The following PRDM9 variants were observed in gnomAD, a reference collection of about 807,000 sequenced individuals.
PRDM9 encodes PR/SET domain 9, also known as histone-lysine N-methyltransferase PRDM9.
Under a neutral mutation model 55.6 loss-of-function variants are expected in PRDM9, and 47 were observed. The observed-to-expected ratio is 0.85, with a 90% CI of 0.67 to 1.08. The LOEUF (loss-of-function observed/expected upper bound fraction) is 1.08. PRDM9 is among the 50% of genes least tolerant of loss of function. The pLI is 0.00. For synonymous variants in PRDM9, 312 were observed against 375.7 expected (o/e 0.83, Z 1.96); for missense variants, 867 against 1,040.3 (o/e 0.83, Z 2.29).
At position 23,527,400 on chromosome 5, in the gene PRDM9, C is replaced by A. The variant is rs766263099; in HGVS notation, c.2312C>A (p.Thr771Lys). ...SHLLRHQRTH[T>K]GEKPYVCREC... Reference sequence around the variant, plus strand: ...CTCCTCAGACACCAGAGGACACACACAGGGGAGAAGCCCTATGTCTGCAGG... The same window carrying A: ...CTCCTCAGACACCAGAGGACACACAAAGGGGAGAAGCCCTATGTCTGCAGG... The change falls in exon 11 of 11, where the codon ACA (threonine) becomes AAA (lysine). Residue 771 changes from threonine (T) to lysine (K), a missense_variant. Around this residue, in one of 5 missense-constraint regions of PRDM9, gnomAD observed 92 missense variants for 185.7 expected, o/e 0.50. Coordinates refer to ENST00000296682, the MANE Select transcript of PRDM9 (RefSeq NM_020227.4). 22 of 1,589,190 alleles carry A rather than the reference C, an allele frequency of 1.4e-5. No homozygotes were observed. Among genetic ancestry groups the A allele is most frequent in the Non-Finnish European group, 2.6e-6 (3 of 1,171,948 alleles).
In PRDM9 at chr5:23,522,381, G is replaced by T. The variant is rs754142725; in HGVS notation, c.586G>T (p.Glu196Ter). ...GGGTCATGCATACAAAGAGGTCAGC[G>T]AGCCGCAGGATGATGATTACCTCTG... ...RKGHAYKEVS[E>*]PQDDDYLYCE... Residue 196 changes from glutamate to a stop codon, truncating the protein, a stop_gained, in exon 7 of 11, where the codon GAG becomes TAG. Transcript: ENST00000296682. LOFTEE classifies it high-confidence loss of function. 6.2e-7 allele frequency: 1 copy of T among 1,614,010 alleles called. No individual in the cohort carries two copies. The highest frequency in any genetic ancestry group is 8.5e-7 in the Non-Finnish European group (1 of 1,179,932).
chr5:23,510,049 ATTTTTT>A (rs34033521), intron 4 of PRDM9, 22 bp downstream of exon 4: 147 of 1,252,076 alleles, frequency 1.2e-4, no homozygotes, highest in African/African-American at 2.0e-4. Flanking sequence ...GGGAAGTAGG[ATTTTTT>A]TTTTTTTTTT....
chr5:23,519,833 CAGG>C (rs949490761), intron 5 of PRDM9, among the ~76,000 whole-genome samples: 1 of 151,414 alleles, frequency 6.6e-6, no homozygotes, highest in African/African-American at 2.4e-5. Flanking sequence ...CACCCGAAGT[CAGG>C]AGTTCGAGAC....
intron 4 of PRDM9, among the ~76,000 whole-genome samples, chr5:23,514,004 C>T (rs1739151954): frequency 6.6e-6 from 1 of 152,216 alleles, no homozygotes; most frequent in African/African-American, 2.4e-5. Flanking sequence ...CTAAATTTCT[C>T]CGCATCTTCG....
chr5:23,516,616 C>T (rs1303775704), intron 4 of PRDM9, among the ~76,000 whole-genome samples: 20 of 151,836 alleles, frequency 1.3e-4, no homozygotes, highest in Admixed American at 2.6e-4. Flanking sequence ...TCGTGATCTG[C>T]GCACCTCAAC....
Position 23,527,890 on chromosome 5 carries a change from C to T in PRDM9, c.*117C>T. 7.9e-7 allele frequency: 1 copy of T among 1,266,874 alleles called. No homozygotes were observed. Among genetic ancestry groups the T allele is most frequent in the South Asian group, 1.3e-5 (1 of 79,566 alleles). 78.5% of individuals were successfully genotyped at this position (1,266,874 alleles called of 1,614,324 possible). On this transcript the variant is annotated 3_prime_UTR_variant, in exon 11 of 11. Coordinates refer to ENST00000296682, the MANE Select transcript of PRDM9 (RefSeq NM_020227.4). Reference sequence around the variant, plus strand: ...CGGAAGTCTGCTGACCCCTTATATTCCCCGAGAGTATAAAGAGATCGGAAA... The same window carrying T: ...CGGAAGTCTGCTGACCCCTTATATTTCCCGAGAGTATAAAGAGATCGGAAA...
intron 5 of PRDM9, among the ~76,000 whole-genome samples, chr5:23,519,088 C>A (rs1739276130): frequency 6.6e-6 from 1 of 152,192 alleles, no homozygotes; most frequent in Non-Finnish European, 1.5e-5. Context: ...GAGACAGAGT[C>A]TGGCTCTTTC....
At chr5:23,510,833 A>C (rs1408949355) in intron 4 of PRDM9, among the ~76,000 whole-genome samples, 1 of 151,808 alleles carries the variant, frequency 6.6e-6, no homozygotes. Context: ...CACCGTGCAT[A>C]GCCCCCAGGA....
At chr5:23,512,760 C>T (rs1374038452) in intron 4 of PRDM9, among the ~76,000 whole-genome samples, 3 of 152,120 alleles carry the variant, frequency 2.0e-5, no homozygotes, top group South Asian at 2.1e-4. Context: ...ACCCTATACC[C>T]ATTGAACAAT....
In PRDM9 at chr5:23,509,069, A is replaced by G; in HGVS notation, c.36A>G (p.Glu12=). ...AAAAGTCCCAAGAGGAGAGCCCAGA[A>G]GAAGACACAGAGAGAACAGAGCGGA... ...SPEKSQEESP[E]EDTERTERKP... The change falls in exon 2 of 11, where the codon GAA becomes GAG. Residue 12 remains glutamate (E), a synonymous_variant. Transcript: ENST00000296682. The G allele has an allele frequency of 6.2e-7, 1 of 1,614,144 alleles. No individual in the cohort carries two copies. The highest frequency in any genetic ancestry group is 8.5e-7 in the Non-Finnish European group (1 of 1,180,002).
At chr5:23,523,498 C>A in intron 9 of PRDM9, 140 bp downstream of exon 9, 1 of 805,092 alleles carries the variant, frequency 1.2e-6, no homozygotes, top group Non-Finnish European at 2.0e-6. Flanking sequence ...TGTTTTATAC[C>A]ATCAACATTT....
rs1479976943 is a variant in PRDM9, at chr5:23,527,857, G to C, written c.*84G>C. The C allele has an allele frequency of 3.8e-5, 59 of 1,552,710 alleles. 2 individuals are homozygous for C. The highest frequency in any genetic ancestry group is 1.8e-4 in the East Asian group (8 of 43,920). The stretch of plus-strand genomic sequence containing the variant: ...CACTTGCACACCCCAGCTGTGAGGT[G>C]GCTTCAGCGGAAGTCTGCTGACCCC... On this transcript the variant is annotated 3_prime_UTR_variant, in exon 11 of 11. Coordinates refer to ENST00000296682, the MANE Select transcript of PRDM9 (RefSeq NM_020227.4).
intron 5 of PRDM9, among the ~76,000 whole-genome samples, chr5:23,519,624 G>A (rs1326109906): frequency 6.6e-6 from 1 of 152,102 alleles, no homozygotes; most frequent in South Asian, 2.1e-4. Flanking sequence ...GCCTCCCAAA[G>A]TGCTGGGATT....
intron 7 of PRDM9, 100 bp downstream of exon 7, chr5:23,522,505 A>G: frequency 6.3e-7 from 1 of 1,584,918 alleles, no homozygotes; most frequent in Non-Finnish European, 8.7e-7. Context: ...CTAATGAATT[A>G]GAGTACAGGA....
intron 3 of PRDM9, 25 bp downstream of exon 3, chr5:23,509,618 C>T: frequency 1.9e-6 from 3 of 1,614,062 alleles, no homozygotes; most frequent in Non-Finnish European, 2.5e-6. Flanking sequence ...TGGGCACAGA[C>T]CAGCCTGGGA....
chr5:23,512,864 G>A (rs1295411240), intron 4 of PRDM9, among the ~76,000 whole-genome samples: 1 of 152,086 alleles, frequency 6.6e-6, no homozygotes, highest in Non-Finnish European at 1.5e-5. Flanking sequence ...CATGGAATCA[G>A]CCATGAAATA....
intron 4 of PRDM9, among the ~76,000 whole-genome samples, chr5:23,511,040 C>A (rs993303152): frequency 4.7e-4 from 70 of 150,528 alleles, no homozygotes; most frequent in Non-Finnish European, 8.1e-4. Context: ...CCTATAACCC[C>A]AGCTACTCAG....
At position 23,526,886 on chromosome 5, in the gene PRDM9, A is replaced by G; in HGVS notation, c.1798A>G (p.Arg600Gly). The G allele has an allele frequency of 1.2e-6, 2 of 1,602,122 alleles. No homozygotes were observed. Among genetic ancestry groups the G allele is most frequent in the Non-Finnish European group, 1.7e-6 (2 of 1,176,444 alleles). The change falls in exon 11 of 11, where the codon AGG becomes GGG. Residue 600 changes from arginine (R) to glycine (G), a missense_variant. By Grantham distance (125) the Arg-to-Gly change is moderately radical (BLOSUM62 -2). Around this residue, in one of 5 missense-constraint regions of PRDM9, gnomAD observed 27 missense variants for 50.0 expected, o/e 0.54. Transcript: ENST00000296682. Reference protein sequence around the residue: ...SWQSVLLTHQRTHTGEKPYVC... With the variant: ...SWQSVLLTHQGTHTGEKPYVC... ...GCAGTCAGTCCTCCTCACTCACCAGAGGACACACACAGGGGAGAAGCCCTA... is the reference window on the plus strand; with the variant it reads ...GCAGTCAGTCCTCCTCACTCACCAGGGGACACACACAGGGGAGAAGCCCTA...
rs193179249 is a variant in PRDM9 at position 23,521,253 on chromosome 5, T to C, written c.508+74T>C. 3.3e-5 allele frequency: 52 copies of C among 1,567,280 alleles called. No homozygotes were observed. The African/African-American group carries it at 6.1e-4, about 18-fold the overall frequency. On this transcript the variant is annotated intron_variant, in intron 6 of 10. Transcript: ENST00000296682. Reference sequence around the variant, plus strand: ...AAGGTTGATGAGTATGGTCTACCTATGTGGGGTGGACTTTGCATAGGCCTG... The same window carrying C: ...AAGGTTGATGAGTATGGTCTACCTACGTGGGGTGGACTTTGCATAGGCCTG...
Sources: gnomAD v4.1 joint callset for allele counts (sites outside exome capture counted in the v4.1 genomes callset) on GRCh38, gnomAD v4.1.1 for gene constraint, gnomAD v4.1.1 regional missense constraint, MANE v1.5 for transcripts, NCBI Gene and HGNC (gene_info 2026-07-23, HGNC 2026-07-21) for gene names.